Variants in SPTB observed in about 807,000 individuals in gnomAD.
SPTB encodes the protein spectrin beta chain, erythrocytic.
In SPTB, 45 loss-of-function variants were observed where a neutral mutation model predicts 256.2. That is an observed-to-expected ratio of 0.18 (90% confidence interval 0.14 to 0.23). The LOEUF is 0.23. Ranked by LOEUF, SPTB falls within the 10% of genes least tolerant of loss-of-function variation. The probability of loss-of-function intolerance (pLI) is 1.00; values close to 1 mark genes in which losing one functional copy is unlikely to be tolerated. For synonymous variants in SPTB, 1,231 were observed against 1,243.1 expected (o/e 0.99, Z 0.21); for missense variants, 2,715 against 3,040.4 (o/e 0.89, Z 2.52).
At position 64,796,451 on chromosome 14, in the gene SPTB, C is replaced by A. The variant is rs1189582883; in HGVS notation, c.1341+106G>T. The A allele has an allele frequency of 6.8e-7, 1 of 1,479,888 alleles. No homozygotes were observed. Among genetic ancestry groups the A allele is most frequent in the African/African-American group, 1.4e-5 (1 of 72,090 alleles). The allele number at this position is 1,479,888 out of a possible 1,614,324, so 91.7% of individuals were successfully genotyped here. On this transcript the variant is annotated intron_variant, in intron 11 of 35. Transcript: ENST00000644917. The surrounding 1 kb of genome is among the most constrained non-coding windows in gnomAD (Gnocchi z 4.1). ...ATCACGGGGGAGCTGTGCTGCAAGG[C>A]ACGAGGAGAGGCTGTGAGAAGCCAG...
chr14:64,749,507 G>A lies in SPTB; in HGVS notation c.6820-34C>T, dbSNP rs767391649. 1.3e-6 allele frequency: 2 copies of A among 1,597,312 alleles called. No homozygotes were observed. Among genetic ancestry groups the A allele is most frequent in the Non-Finnish European group, 1.7e-6 (2 of 1,177,466 alleles). ...CGGAGGGTCACGGTGGAGTCTGGAG[G>A]CCCACAGCCCCCCACCTCCCGGGCC... On this transcript the variant is annotated intron_variant, in intron 35 of 35. Transcript: ENST00000644917. The surrounding 1 kb of genome is among the most constrained non-coding windows in gnomAD (Gnocchi z 4.7).
chr14:64,844,524 A>C lies in SPTB; in HGVS notation c.-51-21379T>G, dbSNP rs1452451359. Among the ~76,000 whole-genome samples, 6 of 152,238 alleles carry C rather than the reference A, an allele frequency of 3.9e-5. No homozygotes were observed. The highest frequency in any genetic ancestry group is 8.8e-5 in the Non-Finnish European group (6 of 68,042). ...TAAATGAAGAAACTGAAGCTCACAG[A>C]AGTTAAGCTACTTGCCCAAAGTCAC... On this transcript the variant is annotated intron_variant, in intron 1 of 35. Coordinates refer to ENST00000644917, the MANE Select transcript of SPTB (RefSeq NM_001355436.2). This position sits in a 1 kb window ranked among gnomAD's most constrained non-coding sequence, Gnocchi z 4.1.
At chr14:64,876,425 C>G (rs1882828515) in intron 1 of SPTB, among the ~76,000 whole-genome samples, 1 of 152,128 alleles carries the variant, frequency 6.6e-6, no homozygotes, top group South Asian at 2.1e-4. Context: ...GTCATGTTTC[C>G]TACCTTTTCA....
chr14:64,847,212 A>G lies in SPTB; in HGVS notation c.-51-24067T>C, dbSNP rs2083707024. Among the ~76,000 whole-genome samples, 1 of 152,148 alleles carries G rather than the reference A, an allele frequency of 6.6e-6. No homozygotes were observed. Among genetic ancestry groups the G allele is most frequent in the Admixed American group, 6.5e-5 (1 of 15,272 alleles). On this transcript the variant is annotated intron_variant, in intron 1 of 35. Transcript: ENST00000644917. The surrounding 1 kb of genome is among the most constrained non-coding windows in gnomAD (Gnocchi z 5.9). ...AACAGAATTTCACTAGGAAACAGTGACCCCAAAGGCCAGCGAAGACAGCCC... is the reference window on the plus strand; with the variant it reads ...AACAGAATTTCACTAGGAAACAGTGGCCCCAAAGGCCAGCGAAGACAGCCC...
intron 1 of SPTB, among the ~76,000 whole-genome samples, chr14:64,840,061 G>C (rs2083583221): frequency 6.6e-6 from 1 of 152,214 alleles, no homozygotes; most frequent in Non-Finnish European, 1.5e-5. Context: ...AGGTGGGAAA[G>C]GTACTATTAA....
At position 64,785,212 on chromosome 14, in the gene SPTB, C is replaced by T. The variant is rs866211238; in HGVS notation, c.3855+325G>A. Among the ~76,000 whole-genome samples the T allele has an allele frequency of 2.0e-5, 3 of 152,172 alleles. No individual in the cohort carries two copies. The highest frequency in any genetic ancestry group is 7.2e-5 in the African/African-American group (3 of 41,446). On this transcript the variant is annotated intron_variant, in intron 18 of 35. Coordinates refer to ENST00000644917, the MANE Select transcript of SPTB (RefSeq NM_001355436.2). The surrounding 1 kb of genome is among the most constrained non-coding windows in gnomAD (Gnocchi z 4.4). ...GAGCCCAGGGCCCTTCTAAGCAAAGCACAGGGTGTGACACAGGTCACACAT... is the reference window on the plus strand; with the variant it reads ...GAGCCCAGGGCCCTTCTAAGCAAAGTACAGGGTGTGACACAGGTCACACAT...
At chr14:64,780,404 A>G (rs559828213) in intron 20 of SPTB, among the ~76,000 whole-genome samples, 3 of 152,216 alleles carry the variant, frequency 2.0e-5, no homozygotes, top group Non-Finnish European at 4.4e-5. Context: ...TCAAAGAACT[A>G]GAAAAATTAT....
In SPTB at chr14:64,767,296, C is replaced by A. The variant is rs886050612; in HGVS notation, c.6269+7G>T. On this transcript the variant is annotated splice_region_variant and intron_variant, in intron 31 of 35. Transcript: ENST00000644917. ...TTCAGCTCCCTGGACACACGGCCACCACTCACCCAGTCTCCTCTGCGGGTC... is the reference window on the plus strand; with the variant it reads ...TTCAGCTCCCTGGACACACGGCCACAACTCACCCAGTCTCCTCTGCGGGTC... 5.0e-6 allele frequency: 8 copies of A among 1,613,844 alleles called. No homozygotes were observed. The East Asian group carries it at 1.6e-4, about 31-fold the overall frequency.
At chr14:64,849,549 AT>A (rs2083745927) in intron 1 of SPTB, among the ~76,000 whole-genome samples, 1 of 152,152 alleles carries the variant, frequency 6.6e-6, no homozygotes, top group Admixed American at 6.5e-5. Flanking sequence ...ACAAAACAAT[AT>A]TTGTGCATCT....
chr14:64,779,256 C>T lies in SPTB; in HGVS notation c.4474-10G>A, dbSNP rs1436768386. On this transcript the variant is annotated splice_polypyrimidine_tract_variant and intron_variant, in intron 21 of 35. Coordinates refer to ENST00000644917, the MANE Select transcript of SPTB (RefSeq NM_001355436.2). This position sits in a 1 kb window ranked among gnomAD's most constrained non-coding sequence, Gnocchi z 4.2. Reference sequence around the variant, plus strand: ...TCTCCTCCACCCAAAGCTGCAGAGACCAGGAGGCAGGAGAGAGCTGATGAC... The same window carrying T: ...TCTCCTCCACCCAAAGCTGCAGAGATCAGGAGGCAGGAGAGAGCTGATGAC... The T allele has an allele frequency of 1.9e-6, 3 of 1,610,170 alleles. No homozygotes were observed. Among genetic ancestry groups the T allele is most frequent in the Non-Finnish European group, 2.5e-6 (3 of 1,177,238 alleles).
chr14:64,791,787 G>T lies in SPTB; in HGVS notation c.2736C>A (p.Asn912Lys), dbSNP rs764059771. The change falls in exon 15 of 36, where the codon AAC becomes AAA. Residue 912 changes from asparagine to lysine, a missense_variant. By Grantham distance (94) the Asn-to-Lys change is moderately conservative. This residue lies in a region of SPTB where 2,239 missense variants were observed against 2,384.4 expected (regional missense o/e 0.94). Coordinates refer to ENST00000644917, the MANE Select transcript of SPTB (RefSeq NM_001355436.2). Reference protein sequence around the residue: ...TQIDGVNLAANSLVESGHPRS... With the variant: ...TQIDGVNLAAKSLVESGHPRS... ...GTGGGTGGCCACTCTCTACCAAGCT[G>T]TTGGCAGCGAGGTTCACACCATCAA... 6.2e-7 allele frequency: 1 copy of T among 1,614,158 alleles called. No homozygotes were observed. Among genetic ancestry groups the T allele is most frequent in the Non-Finnish European group, 8.5e-7 (1 of 1,180,026 alleles).
intron 1 of SPTB, among the ~76,000 whole-genome samples, chr14:64,835,554 G>C (rs1213057800): frequency 6.6e-6 from 1 of 152,176 alleles, no homozygotes; most frequent in African/African-American, 2.4e-5. Context: ...CCCAGAGTCA[G>C]TTCTTGGTAT....
rs1233573306 is a variant in SPTB at position 64,749,528 on chromosome 14, G to A, written c.6820-55C>T. 2.5e-6 allele frequency: 4 copies of A among 1,598,398 alleles called. No homozygotes were observed. The highest frequency in any genetic ancestry group is 1.1e-5 in the South Asian group (1 of 90,684). ...GGAGGCCCACAGCCCCCCACCTCCC[G>A]GGCCAGGCAACAATGGTGGGGGCTC... On this transcript the variant is annotated intron_variant, in intron 35 of 35. Coordinates refer to ENST00000644917, the MANE Select transcript of SPTB (RefSeq NM_001355436.2). This position sits in a 1 kb window ranked among gnomAD's most constrained non-coding sequence, Gnocchi z 4.7.
chr14:64,849,155 T>C (rs766071201), intron 1 of SPTB, among the ~76,000 whole-genome samples: 33 of 152,224 alleles, frequency 2.2e-4, no homozygotes, highest in Admixed American at 9.8e-4. Flanking sequence ...GCAAAAATAA[T>C]AACATGTTTG....
rs981598799 is a variant in SPTB at position 64,765,443 on chromosome 14, C to T, written c.6345+1283G>A. Among the ~76,000 whole-genome samples, 5 of 152,150 alleles carry T rather than the reference C, an allele frequency of 3.3e-5. No homozygotes were observed. The South Asian group carries it at 6.2e-4, about 19-fold the overall frequency. ...CAGACCCCATGGAGTCCTAAGGGGC[C>T]TGCTCCAGGTAAGGTCCTGAGGCGC... On this transcript the variant is annotated intron_variant, in intron 32 of 35. Coordinates refer to ENST00000644917, the MANE Select transcript of SPTB (RefSeq NM_001355436.2).
intron 1 of SPTB, among the ~76,000 whole-genome samples, chr14:64,867,521 G>A (rs1241762457): frequency 6.6e-6 from 1 of 152,130 alleles, no homozygotes; most frequent in Non-Finnish European, 1.5e-5. Context: ...TCAAATAGGG[G>A]TTATAGCTGA....
At position 64,841,748 on chromosome 14, in the gene SPTB, T is replaced by C. The variant is rs2083610624; in HGVS notation, c.-51-18603A>G. On this transcript the variant is annotated intron_variant, in intron 1 of 35. Transcript: ENST00000644917. The surrounding 1 kb of genome is among the most constrained non-coding windows in gnomAD (Gnocchi z 4.6). ...GCTGCCCTCTGACATCCCATATATA[T>C]ATATATATTTTTTAAGGGTCTTTCT... Among the ~76,000 whole-genome samples the C allele has an allele frequency of 6.6e-6, 1 of 151,690 alleles. No individual in the cohort carries two copies. The highest frequency in any genetic ancestry group is 1.5e-5 in the Non-Finnish European group (1 of 67,958).
In SPTB at chr14:64,793,007, C is replaced by A. The variant is rs146031194; in HGVS notation, c.2656G>T (p.Val886Leu). The A allele has an allele frequency of 1.6e-4, 264 of 1,613,940 alleles. No individual in the cohort carries two copies. Among genetic ancestry groups the A allele is most frequent in the Middle Eastern group, 1.3e-3 (8 of 6,062 alleles). Reference protein sequence around the residue: ...MPDTLEDLEVVQHRFDILDQE... With the variant: ...MPDTLEDLEVLQHRFDILDQE... ...TGAGTTAACTCTGACCTGTGCTGCA[C>A]GACCTCCAGGTCCTCCAGGGTGTCT... Residue 886 changes from valine (V) to leucine (L), a missense_variant, in exon 14 of 36, where the codon GTG becomes TTG. Transcript: ENST00000644917. The surrounding 1 kb of genome is among the most constrained non-coding windows in gnomAD (Gnocchi z 7.0).
Position 64,777,573 on chromosome 14 carries a change from A to C in SPTB, c.4563+1584T>G, listed in dbSNP as rs760959395. Among the ~76,000 whole-genome samples, 1 of 152,104 alleles carries C rather than the reference A, an allele frequency of 6.6e-6. No homozygotes were observed. Among genetic ancestry groups the C allele is most frequent in the Non-Finnish European group, 1.5e-5 (1 of 68,030 alleles). On this transcript the variant is annotated intron_variant, in intron 22 of 35. Coordinates refer to ENST00000644917, the MANE Select transcript of SPTB (RefSeq NM_001355436.2). This position sits in a 1 kb window ranked among gnomAD's most constrained non-coding sequence, Gnocchi z 4.5. ...AGTGGTCCCCAAAGTGCAGTCCTGA[A>C]CCAGCAGCATCGGCATCACCTAGGA...
Sources: gnomAD v4.1 joint callset for allele counts (sites outside exome capture counted in the v4.1 genomes callset) on GRCh38, gnomAD v4.1.1 for gene constraint, gnomAD v4.1.1 regional missense constraint, Gnocchi (gnomAD v3.1) non-coding constraint, MANE v1.5 for transcripts, NCBI Gene and HGNC (gene_info 2026-07-23, HGNC 2026-07-21) for gene names.